The following SUMF1 variants were observed in gnomAD, a reference collection of about 807,000 sequenced individuals.
The protein encoded by SUMF1 is formylglycine-generating enzyme.
A neutral mutation model predicts 47.6 loss-of-function variants in SUMF1; 48 were observed. The observed-to-expected ratio is 1.01, with a 90% CI of 0.80 to 1.28. The LOEUF (loss-of-function observed/expected upper bound fraction) is 1.28. SUMF1 is among the 50% of genes most tolerant of loss of function. The probability of loss-of-function intolerance (pLI) is 0.00; values close to 1 mark genes in which losing one functional copy is unlikely to be tolerated. For synonymous variants in SUMF1, 230 were observed against 192.1 expected, an observed-to-expected ratio of 1.20 and a Z score of -1.63; for missense variants, 571 against 485.4, an observed-to-expected ratio of 1.18 and a Z score of -1.66.
intron 8 of SUMF1, among the ~76,000 whole-genome samples, chr3:4,076,726 G>C (rs147118975): frequency 9.2e-5 from 14 of 152,120 alleles, no homozygotes; most frequent in African/African-American, 3.4e-4. Flanking sequence ...CTGGCCGGGC[G>C]TGGTGGCTCA....
intron 8 of SUMF1, among the ~76,000 whole-genome samples, chr3:4,249,167 T>G (rs1575017971): frequency 6.6e-6 from 1 of 152,196 alleles, no homozygotes; most frequent in Non-Finnish European, 1.5e-5. Flanking sequence ...TCTAGCAGAG[T>G]GGGTATAATT....
rs144748418 is a variant in SUMF1, at chr3:4,345,471, G to A, written c.1014+30859C>T. Reference sequence around the variant, plus strand: ...CGAAGGAGAAATAAAATCCTTTCCAGACAAGCAAATGCTGAGGGATTTCAT... The same window carrying A: ...CGAAGGAGAAATAAAATCCTTTCCAAACAAGCAAATGCTGAGGGATTTCAT... On this transcript the variant is annotated intron_variant and NMD_transcript_variant, in intron 8 of 12. Transcript: ENST00000448413. Among the ~76,000 whole-genome samples, 734 of 152,278 alleles carry A rather than the reference G, an allele frequency of 4.8e-3. 8 individuals are homozygous for A. The highest frequency in any genetic ancestry group is 0.017 in the African/African-American group (706 of 41,548).
intron 8 of SUMF1, among the ~76,000 whole-genome samples, chr3:4,146,300 G>A (rs966600482): frequency 5.3e-5 from 8 of 151,934 alleles, no homozygotes; most frequent in Non-Finnish European, 1.2e-4. Flanking sequence ...AGAGGGAGCA[G>A]CACAAAAATG....
intron 8 of SUMF1, among the ~76,000 whole-genome samples, chr3:4,329,429 C>G (rs1484176628): frequency 6.6e-6 from 1 of 152,224 alleles, no homozygotes; most frequent in Non-Finnish European, 1.5e-5. Context: ...CTTCTGTGTA[C>G]CCACAGGCTC....
chr3:4,253,716 G>T (rs13083988), intron 8 of SUMF1, among the ~76,000 whole-genome samples: 1 of 147,882 alleles, frequency 6.8e-6, no homozygotes, highest in Admixed American at 6.7e-5. Flanking sequence ...GGCTTGATTA[G>T]GTAAACAAAG....
chr3:4,174,085 G>T (rs1017644362), intron 8 of SUMF1, among the ~76,000 whole-genome samples: 1 of 151,996 alleles, frequency 6.6e-6, no homozygotes, highest in African/African-American at 2.4e-5. Flanking sequence ...GGCCAGGCAC[G>T]GTGGCTCACG....
chr3:4,247,792 A>T (rs1474342738), intron 8 of SUMF1, among the ~76,000 whole-genome samples: 3 of 152,206 alleles, frequency 2.0e-5, no homozygotes, highest in Non-Finnish European at 4.4e-5. Context: ...AGTCCTTACA[A>T]AGCCCACTGA....
chr3:4,353,052 T>G lies in SUMF1; in HGVS notation c.1014+23278A>C, dbSNP rs568461035. Among the ~76,000 whole-genome samples, 5 of 152,272 alleles carry G rather than the reference T, an allele frequency of 3.3e-5. No homozygotes were observed. In the East Asian group the frequency reaches 9.7e-4, roughly 29 times the overall value. Reference sequence around the variant, plus strand: ...ATCCCTTTACACTCCTAGAAATCATTGAGGACCCCACAGAATTTCTGTAAT... The same window carrying G: ...ATCCCTTTACACTCCTAGAAATCATGGAGGACCCCACAGAATTTCTGTAAT... On this transcript the variant is annotated intron_variant and NMD_transcript_variant, in intron 8 of 12. Coordinates refer to the SUMF1 transcript ENST00000448413.
chr3:4,457,163 A>G (rs1056060846), intron 1 of SUMF1, among the ~76,000 whole-genome samples: 1 of 151,102 alleles, frequency 6.6e-6, no homozygotes, highest in African/African-American at 2.4e-5. Context: ...GATGGTCTCA[A>G]TCTCCTGACC....
At chr3:4,182,548 T>G (rs867868464) in intron 8 of SUMF1, among the ~76,000 whole-genome samples, 4 of 152,142 alleles carry the variant, frequency 2.6e-5, no homozygotes, top group Middle Eastern at 3.4e-3. Context: ...AAGGAAATCT[T>G]AAGGGTCCCA....
At chr3:4,347,152 A>G (rs1559235965) in intron 8 of SUMF1, among the ~76,000 whole-genome samples, 2 of 152,232 alleles carry the variant, frequency 1.3e-5, no homozygotes. Context: ...CAAACAATTG[A>G]AAAGAAGGAA....
chr3:4,119,604 A>G (rs973118140), intron 8 of SUMF1, among the ~76,000 whole-genome samples: 14 of 152,242 alleles, frequency 9.2e-5, no homozygotes, highest in African/African-American at 3.1e-4. Flanking sequence ...CCATGCAGGG[A>G]AAATTCTTCT....
intron 8 of SUMF1, among the ~76,000 whole-genome samples, chr3:4,290,177 T>C (rs1216141048): frequency 6.6e-6 from 1 of 152,232 alleles, no homozygotes; most frequent in Non-Finnish European, 1.5e-5. Flanking sequence ...GTTTAGCATC[T>C]TTAGACAGTA....
intron 8 of SUMF1, among the ~76,000 whole-genome samples, chr3:4,294,864 T>C (rs1697814934): frequency 6.9e-6 from 1 of 144,764 alleles, no homozygotes; most frequent in Non-Finnish European, 1.5e-5. Flanking sequence ...GAGCGAGGTC[T>C]TTTTGGACTA....
intron 8 of SUMF1, among the ~76,000 whole-genome samples, chr3:4,147,192 T>C (rs1474828866): frequency 6.6e-6 from 1 of 151,980 alleles, no homozygotes; most frequent in African/African-American, 2.4e-5. Flanking sequence ...TGTGGGGAAA[T>C]AGGAACACTT....
At chr3:4,404,812 A>C (rs1701324912) in intron 7 of SUMF1, among the ~76,000 whole-genome samples, 1 of 152,132 alleles carries the variant, frequency 6.6e-6, no homozygotes, top group South Asian at 2.1e-4. Context: ...TGAAGGTCTT[A>C]TAGCAGCGAA....
chr3:4,108,227 T>C (rs1693202634), intron 8 of SUMF1, among the ~76,000 whole-genome samples: 1 of 152,146 alleles, frequency 6.6e-6, no homozygotes. Context: ...TCCATGTAGT[T>C]GAGCAGTTTT....
intron 8 of SUMF1, among the ~76,000 whole-genome samples, chr3:4,241,164 A>C (rs1402563571): frequency 6.6e-6 from 1 of 152,178 alleles, no homozygotes; most frequent in Non-Finnish European, 1.5e-5. Context: ...TATAGTCAGG[A>C]ACCTGAAAAG....
At chr3:4,037,843 G>T (rs1405806596) in intron 9 of SUMF1, among the ~76,000 whole-genome samples, 1 of 152,168 alleles carries the variant, frequency 6.6e-6, no homozygotes, top group Admixed American at 6.5e-5. Context: ...TTCTGGATGT[G>T]TTCACAGGGC....
Sources: gnomAD v4.1 joint callset for allele counts (sites outside exome capture counted in the v4.1 genomes callset) on GRCh38, gnomAD v4.1.1 for gene constraint, MANE v1.5 for transcripts, NCBI Gene and HGNC (gene_info 2026-07-23, HGNC 2026-07-21) for gene names.